The following NDST3 variants were observed in gnomAD, a reference collection of about 807,000 sequenced individuals.
NDST3 encodes the protein bifunctional heparan sulfate N-deacetylase/N-sulfotransferase 3.
NDST3 carries 58 observed loss-of-function variants against 96.1 expected under a neutral mutation model. That is an observed-to-expected ratio of 0.60 (90% CI 0.49 to 0.75). NDST3 has a LOEUF of 0.75. Ranked by LOEUF, NDST3 falls within the 30% of genes least tolerant of loss-of-function variation. The probability of loss-of-function intolerance (pLI) is 0.00; values close to 1 mark genes in which losing one functional copy is unlikely to be tolerated. For missense variants in NDST3, 788 were observed against 1,034.2 expected, an observed-to-expected ratio of 0.76 and a Z score of 3.27; for synonymous variants, 333 against 359.7, an observed-to-expected ratio of 0.93 and a Z score of 0.84.
At chr4:118,245,485 T>A (rs759810561) in intron 12 of NDST3, among the ~76,000 whole-genome samples, 2 of 152,224 alleles carry the variant, frequency 1.3e-5, no homozygotes, top group Non-Finnish European at 2.9e-5. Flanking sequence ...TGCTTCAAAA[T>A]TCAGAAGGAC....
intron 1 of NDST3, among the ~76,000 whole-genome samples, chr4:118,042,905 C>T (rs1370268322): frequency 6.6e-6 from 1 of 152,144 alleles, no homozygotes; most frequent in African/African-American, 2.4e-5. Flanking sequence ...TCTTCTGAAA[C>T]CTGTAACAGA....
chr4:118,170,506 G>A (rs1735867247), intron 6 of NDST3, among the ~76,000 whole-genome samples: 2 of 152,184 alleles, frequency 1.3e-5, no homozygotes, highest in African/African-American at 2.4e-5. Context: ...GAGGTCGGCA[G>A]ATCACGAGGT....
chr4:118,099,205 G>GT (rs887353186), intron 2 of NDST3, among the ~76,000 whole-genome samples: 6 of 152,188 alleles, frequency 3.9e-5, no homozygotes, highest in Non-Finnish European at 7.4e-5. Context: ...TAGTAATCAA[G>GT]TAGCAGAGCC....
At chr4:118,073,898 T>C (rs559803719) in intron 2 of NDST3, among the ~76,000 whole-genome samples, 74 of 152,298 alleles carry the variant, frequency 4.9e-4, no homozygotes, top group African/African-American at 1.8e-3. Context: ...TTCTAACTTT[T>C]TATGTGAGCA....
Position 118,240,614 on chromosome 4 carries a change from G to T in NDST3, c.2209G>T (p.Ala737Ser), listed in dbSNP as rs1740947276. 6.2e-7 allele frequency: 1 copy of T among 1,613,934 alleles called. No individual in the cohort carries two copies. Among genetic ancestry groups the T allele is most frequent in the East Asian group, 2.2e-5 (1 of 44,874 alleles). ...AGPRAPSELR[A>S]LQKRCLVPGW... The stretch of plus-strand genomic sequence containing the variant: ...GCCCCGTGCACCCTCGGAGCTCAGA[G>T]CCTTGCAGAAGAGATGTTTGGTCCC... The change falls in exon 11 of 14, where the codon GCC becomes TCC. Residue 737 changes from alanine (A) to serine (S), a missense_variant. This residue lies in a region of NDST3 where 490 missense variants were observed against 708.8 expected (regional missense o/e 0.69). Coordinates refer to ENST00000296499, the MANE Select transcript of NDST3 (RefSeq NM_004784.3).
rs887810376 is a variant in NDST3 at position 118,247,920 on chromosome 4, T to G, written c.2400-5579T>G. Reference sequence around the variant, plus strand: ...TTTGAAATTTACTGAATTGCTATTTTCAATTCAGTATTCACCCATAGAAAT... The same window carrying G: ...TTTGAAATTTACTGAATTGCTATTTGCAATTCAGTATTCACCCATAGAAAT... On this transcript the variant is annotated intron_variant, in intron 12 of 13. Coordinates refer to ENST00000296499, the MANE Select transcript of NDST3 (RefSeq NM_004784.3). Among the ~76,000 whole-genome samples the G allele has an allele frequency of 5.1e-4, 77 of 152,220 alleles. 1 individual carries two copies. The highest frequency in any genetic ancestry group is 1.9e-3 in the African/African-American group (77 of 41,448).
chr4:118,050,976 C>T (rs1163826032), intron 1 of NDST3, among the ~76,000 whole-genome samples: 2 of 152,160 alleles, frequency 1.3e-5, no homozygotes, highest in Non-Finnish European at 2.9e-5. Context: ...AACTATACTA[C>T]AAAGCTACAG....
chr4:118,247,185 T>C (rs1433232886), intron 12 of NDST3, among the ~76,000 whole-genome samples: 2 of 138,672 alleles, frequency 1.4e-5, no homozygotes, highest in Non-Finnish European at 3.0e-5. Context: ...GGCTTTGTTA[T>C]ATCCACACAC....
At chr4:118,171,600 T>C (rs1735956589) in intron 6 of NDST3, among the ~76,000 whole-genome samples, 1 of 152,162 alleles carries the variant, frequency 6.6e-6, no homozygotes, top group Admixed American at 6.6e-5. Flanking sequence ...CTGTTGCAGA[T>C]GTTAGTAATT....
chr4:118,252,172 T>C (rs1217730105), intron 12 of NDST3, among the ~76,000 whole-genome samples: 1 of 152,236 alleles, frequency 6.6e-6, no homozygotes, highest in African/African-American at 2.4e-5. Flanking sequence ...ACAAAAGCTA[T>C]GTAAAGGAAT....
chr4:118,167,543 C>T lies in NDST3; in HGVS notation c.1539+23859C>T, dbSNP rs149934318. ...TCAAAATCCCAGTGGCATTTTTTAC[C>T]GAAATAGAAAAAACAATCCTAAAAT... On this transcript the variant is annotated intron_variant, in intron 6 of 13. Transcript: ENST00000296499. 2.1e-4 allele frequency among the ~76,000 whole-genome samples: 32 copies of T among 151,706 alleles called. No homozygotes were observed. In the East Asian group the frequency reaches 5.8e-3, roughly 27 times the overall value.
At chr4:118,227,076 C>A in intron 8 of NDST3, 94 bp downstream of exon 8, 2 of 800,782 alleles carry the variant, frequency 2.5e-6, no homozygotes, top group Non-Finnish European at 4.2e-6. Context: ...CTTCCCATAA[C>A]TGCTAATGAA....
chr4:118,046,831 AG>A (rs1366651985), intron 1 of NDST3, among the ~76,000 whole-genome samples: 2 of 152,106 alleles, frequency 1.3e-5, no homozygotes, highest in African/African-American at 4.8e-5. Context: ...CTGGAGTGGG[AG>A]GGGGCATGCC....
chr4:118,066,105 A>G (rs1726308360), intron 2 of NDST3, among the ~76,000 whole-genome samples: 1 of 39,262 alleles, frequency 2.5e-5, no homozygotes, highest in African/African-American at 5.9e-5. Context: ...TATATTATAT[A>G]ATATATTTTA....
intron 6 of NDST3, among the ~76,000 whole-genome samples, chr4:118,217,843 T>C (rs773040459): frequency 6.6e-6 from 1 of 151,732 alleles, no homozygotes; most frequent in Non-Finnish European, 1.5e-5. Flanking sequence ...ATAGACACAA[T>C]AAAAAATGAT....
intron 1 of NDST3, among the ~76,000 whole-genome samples, chr4:118,042,218 A>G (rs572206146): frequency 1.3e-5 from 2 of 152,242 alleles, no homozygotes; most frequent in Admixed American, 1.3e-4. Flanking sequence ...TTATGTTTCT[A>G]TTATACTGGC....
At chr4:118,091,685 T>G (rs1250589675) in intron 2 of NDST3, among the ~76,000 whole-genome samples, 1 of 151,680 alleles carries the variant, frequency 6.6e-6, no homozygotes, top group Non-Finnish European at 1.5e-5. Context: ...ATGAAGGAAC[T>G]CCTGGGATCT....
At position 118,106,193 on chromosome 4, in the gene NDST3, C is replaced by T. The variant is rs190879748; in HGVS notation, c.1069+1088C>T. ...TTTACAGTTCCATGTGTTCCAAGTA[C>T]TTTCTCCTGCTGTCTGGCTGTCTCT... On this transcript the variant is annotated intron_variant, in intron 3 of 13. Coordinates refer to ENST00000296499, the MANE Select transcript of NDST3 (RefSeq NM_004784.3). Among the ~76,000 whole-genome samples, 5 of 152,274 alleles carry T rather than the reference C, an allele frequency of 3.3e-5. No homozygotes were observed. In the East Asian group the frequency reaches 9.7e-4, roughly 29 times the overall value.
chr4:118,199,977 G>C (rs1403342373), intron 6 of NDST3, among the ~76,000 whole-genome samples: 1 of 152,200 alleles, frequency 6.6e-6, no homozygotes, highest in Non-Finnish European at 1.5e-5. Context: ...CCCTAGAACT[G>C]TGCTGGGTCA....
Sources: allele counts gnomAD v4.1 joint callset (sites outside exome capture counted in the v4.1 genomes callset), GRCh38; gene constraint gnomAD v4.1.1; regional missense constraint gnomAD v4.1.1; transcripts MANE v1.5; gene names NCBI Gene and HGNC (gene_info 2026-07-23, HGNC 2026-07-21).